Variants in BDNF observed in about 807,000 individuals in gnomAD.
BDNF encodes the protein brain derived neurotrophic factor.
Under a neutral mutation model 19.5 loss-of-function variants are expected in BDNF, and 1 was observed. The ratio of observed to expected loss-of-function variants is 0.05; its 90% confidence interval spans 0.02 to 0.24. The LOEUF is 0.24. BDNF is among the 10% of genes least tolerant of loss of function. BDNF has a pLI of 1.00. For synonymous variants in BDNF, 100 were observed against 121.6 expected (o/e 0.82, Z 1.17); for missense variants, 195 against 317.6 (o/e 0.61, Z 2.93).
At chr11:27,716,776 G>C (rs551762579) in intron 1 of BDNF, among the ~76,000 whole-genome samples, 2 of 152,196 alleles carry the variant, frequency 1.3e-5, no homozygotes, top group Admixed American at 6.5e-5. Context: ...GCCTTTGAGA[G>C]AAGTATATTT....
intron 1 of BDNF, among the ~76,000 whole-genome samples, chr11:27,694,882 T>C (rs1858798526): frequency 6.6e-6 from 1 of 152,196 alleles, no homozygotes; most frequent in African/African-American, 2.4e-5. Flanking sequence ...AATCAGAACC[T>C]TTATACTCAA....
At chr11:27,674,057 C>T (rs752361694) in intron 1 of BDNF, 14 of 1,597,562 alleles carry the variant, frequency 8.8e-6, no homozygotes, top group East Asian at 2.2e-5. Context: ...CTCTGTTACT[C>T]ACCTTTATGA....
chr11:27,708,715 T>G (rs1860208693), intron 1 of BDNF, among the ~76,000 whole-genome samples: 1 of 152,040 alleles, frequency 6.6e-6, no homozygotes, highest in Admixed American at 6.5e-5. Flanking sequence ...CCAAAGAGTA[T>G]TTAGTTGGAA....
intron 1 of BDNF, among the ~76,000 whole-genome samples, chr11:27,684,756 A>G (rs1313770590): frequency 6.6e-6 from 1 of 152,148 alleles, no homozygotes; most frequent in Non-Finnish European, 1.5e-5. Flanking sequence ...AAGCCAAATT[A>G]TCATGGTAGA....
chr11:27,707,097 C>A (rs140522241), intron 1 of BDNF, among the ~76,000 whole-genome samples: 21 of 152,278 alleles, frequency 1.4e-4, no homozygotes, highest in African/African-American at 4.6e-4. Flanking sequence ...AAGGTAAGGT[C>A]TATGAAATAC....
At position 27,720,592 on chromosome 11, in the gene BDNF, G is replaced by T. The variant is rs144821139; in HGVS notation, c.3+820C>A. 21 of 985,560 alleles carry T rather than the reference G, an allele frequency of 2.1e-5. No individual in the cohort carries two copies. The East Asian group carries it at 2.4e-3, about 112-fold the overall frequency. The allele number at this position is 985,560 out of a possible 1,614,324, so 61.1% of individuals were successfully genotyped here. On this transcript the variant is annotated intron_variant, in intron 1 of 1. Transcript: ENST00000314915. ...GTGTGAGCCGAACCTCAGAAAAGACGCTTTTTAAGGGCGACACAGGGTTGG... is the reference window on the plus strand; with the variant it reads ...GTGTGAGCCGAACCTCAGAAAAGACTCTTTTTAAGGGCGACACAGGGTTGG...
chr11:27,690,526 A>C (rs1858112152), intron 1 of BDNF, among the ~76,000 whole-genome samples: 1 of 152,140 alleles, frequency 6.6e-6, no homozygotes, highest in South Asian at 2.1e-4. Flanking sequence ...TAATGATGCC[A>C]AACTGTGCTC....
At chr11:27,689,680 C>T (rs1016428590) in intron 1 of BDNF, among the ~76,000 whole-genome samples, 2 of 152,138 alleles carry the variant, frequency 1.3e-5, no homozygotes, top group Non-Finnish European at 2.9e-5. Flanking sequence ...ACAATAGATG[C>T]TACTAAGTTT....
intron 1 of BDNF, among the ~76,000 whole-genome samples, chr11:27,671,830 T>A (rs935496149): frequency 2.0e-5 from 3 of 152,072 alleles, no homozygotes; most frequent in Non-Finnish European, 4.4e-5. Flanking sequence ...CTCAATCAGA[T>A]CCTGCATTTC....
chr11:27,660,768 T>C (rs1322739919), intron 1 of BDNF, among the ~76,000 whole-genome samples: 1 of 144,970 alleles, frequency 6.9e-6, no homozygotes, highest in Admixed American at 6.9e-5. Flanking sequence ...TGAAACTCCA[T>C]CTCAAAAAAA....
At chr11:27,686,244 G>C (rs1303394236) in intron 1 of BDNF, among the ~76,000 whole-genome samples, 1 of 151,526 alleles carries the variant, frequency 6.6e-6, no homozygotes, top group Non-Finnish European at 1.5e-5. Flanking sequence ...CTTTCCATTT[G>C]CTTGGTAGAT....
At chr11:27,697,986 A>T (rs138821653) in intron 1 of BDNF, 60 of 152,316 alleles carry the variant, frequency 3.9e-4, no homozygotes, top group African/African-American at 1.4e-3. Flanking sequence ...AATAACTTAA[A>T]ATAGTTCCAC....
At chr11:27,679,025 C>T (rs1395594229) in intron 1 of BDNF, among the ~76,000 whole-genome samples, 1 of 152,158 alleles carries the variant, frequency 6.6e-6, no homozygotes, top group Non-Finnish European at 1.5e-5. Context: ...ACTATCCAGA[C>T]ACTGGGTTAG....
intron 1 of BDNF, among the ~76,000 whole-genome samples, chr11:27,672,855 G>C (rs544899749): frequency 6.6e-6 from 1 of 152,192 alleles, no homozygotes; most frequent in African/African-American, 2.4e-5. Context: ...GGATTTGATG[G>C]GGGCAGCTTT....
At chr11:27,659,716 T>C in intron 1 of BDNF, 1 of 981,104 alleles carries the variant, frequency 1.0e-6, no homozygotes, top group Non-Finnish European at 1.2e-6. Flanking sequence ...GTTTTACACA[T>C]TTTGGAATAG....
intron 1 of BDNF, among the ~76,000 whole-genome samples, chr11:27,667,738 C>T (rs1361802794): frequency 6.6e-6 from 1 of 152,178 alleles, no homozygotes; most frequent in African/African-American, 2.4e-5. Flanking sequence ...AATATATGCA[C>T]CTAATACAGG....
intron 1 of BDNF, chr11:27,675,052 G>A (rs1402722468): frequency 1.1e-5 from 4 of 351,116 alleles, no homozygotes; most frequent in Non-Finnish European, 1.6e-5. Context: ...ATGTGGTGGA[G>A]AGGGAATATG....
intron 1 of BDNF, among the ~76,000 whole-genome samples, chr11:27,685,113 C>T (rs1857314573): frequency 6.6e-6 from 1 of 151,110 alleles, no homozygotes; most frequent in Non-Finnish European, 1.5e-5. Context: ...TGACTTCTTC[C>T]TTTAGTCTTA....
chr11:27,695,992 C>T (rs185628077), intron 1 of BDNF, among the ~76,000 whole-genome samples: 1 of 152,214 alleles, frequency 6.6e-6, no homozygotes, highest in South Asian at 2.1e-4. Flanking sequence ...AAAGAACACA[C>T]ACATTTACCA....
Sources: gnomAD v4.1 joint callset for allele counts (sites outside exome capture counted in the v4.1 genomes callset) on GRCh38, gnomAD v4.1.1 for gene constraint, MANE v1.5 for transcripts, NCBI Gene and HGNC (gene_info 2026-07-23, HGNC 2026-07-21) for gene names.